GFRA1: variants seen among roughly 807,000 people sequenced by gnomAD.
GFRA1 encodes GDNF family receptor alpha-1.
GFRA1 carries 16 observed loss-of-function variants against 51.6 expected under a neutral mutation model. The ratio of observed to expected loss-of-function variants is 0.31; its 90% CI spans 0.21 to 0.47. The LOEUF (loss-of-function observed/expected upper bound fraction) is 0.47, where lower values mean the gene tolerates loss of function less well. Ranked by LOEUF, GFRA1 falls within the 20% of genes least tolerant of loss-of-function variation. The probability of loss-of-function intolerance (pLI) is 1.00; values close to 1 mark genes in which losing one functional copy is unlikely to be tolerated. For missense variants in GFRA1, 530 were observed against 594.3 expected, an observed-to-expected ratio of 0.89 and a Z score of 1.13; for synonymous variants, 270 against 241.3, an observed-to-expected ratio of 1.12 and a Z score of -1.10.
intron 9 of GFRA1, among the ~76,000 whole-genome samples, chr10:116,087,604 C>G (rs981931491): frequency 2.0e-5 from 3 of 152,156 alleles, no homozygotes; most frequent in Non-Finnish European, 2.9e-5. Flanking sequence ...TTTGCTGTAG[C>G]CAGAACTTGC....
intron 5 of GFRA1, among the ~76,000 whole-genome samples, chr10:116,130,229 G>A (rs544438961): frequency 4.3e-4 from 66 of 151,958 alleles, no homozygotes; most frequent in South Asian, 1.0e-3. Context: ...AATACTTTAT[G>A]ATTATTAAGG....
rs1334998682 is a variant in GFRA1, at chr10:116,089,679, C to T, written c.1197+62G>A. ...GCATACATTTCAGAAAATGGGTCTGCCCGTGTTTCACCCCCCCACCAGGAA... is the reference window on the plus strand; with the variant it reads ...GCATACATTTCAGAAAATGGGTCTGTCCGTGTTTCACCCCCCCACCAGGAA... On this transcript the variant is annotated intron_variant, in intron 9 of 10. Coordinates refer to ENST00000355422, the MANE Select transcript of GFRA1 (RefSeq NM_005264.8). 9 of 1,373,166 alleles carry T rather than the reference C, an allele frequency of 6.6e-6. No homozygotes were observed. The South Asian group carries it at 8.1e-5, about 12-fold the overall frequency. The allele number at this position is 1,373,166 out of a possible 1,614,324, so 85.1% of individuals were successfully genotyped here.
intron 5 of GFRA1, among the ~76,000 whole-genome samples, chr10:116,141,567 T>C (rs1330206342): frequency 1.3e-5 from 2 of 149,348 alleles, no homozygotes; most frequent in African/African-American, 4.9e-5. Flanking sequence ...TTTGGACCTA[T>C]GTCCTCTTCT....
At chr10:116,214,650 A>C (rs1409010681) in intron 4 of GFRA1, among the ~76,000 whole-genome samples, 1 of 152,218 alleles carries the variant, frequency 6.6e-6, no homozygotes, top group African/African-American at 2.4e-5. Flanking sequence ...ATACAGACAA[A>C]AATTTCCAAC....
chr10:116,193,167 T>A (rs1001657579), intron 5 of GFRA1, among the ~76,000 whole-genome samples: 2 of 152,158 alleles, frequency 1.3e-5, no homozygotes, highest in Non-Finnish European at 2.9e-5. Flanking sequence ...AGATTTTTTT[T>A]ATTATTGAGG....
intron 5 of GFRA1, among the ~76,000 whole-genome samples, chr10:116,167,803 G>A (rs968546598): frequency 2.0e-5 from 3 of 152,180 alleles, no homozygotes; most frequent in Non-Finnish European, 4.4e-5. Flanking sequence ...GAGGAATGCT[G>A]CTTTACATCC....
intron 6 of GFRA1, among the ~76,000 whole-genome samples, chr10:116,114,204 A>C (rs1565585220): frequency 6.6e-6 from 1 of 152,132 alleles, no homozygotes; most frequent in Non-Finnish European, 1.5e-5. Context: ...GTCACAGAAG[A>C]AGCACGTGGC....
chr10:116,210,001 G>C lies in GFRA1; in HGVS notation c.433+1630C>G, dbSNP rs1965067230. Among the ~76,000 whole-genome samples, 5 of 152,158 alleles carry C rather than the reference G, an allele frequency of 3.3e-5. No homozygotes were observed. The South Asian group carries it at 1.0e-3, about 32-fold the overall frequency. ...TGACACACAGAGCAACGGGTAGCTT[G>C]CGGCTTCCATCTCTGGCAGATGTTA... On this transcript the variant is annotated intron_variant, in intron 5 of 10. Coordinates refer to ENST00000355422, the MANE Select transcript of GFRA1 (RefSeq NM_005264.8).
At chr10:116,229,815 C>T (rs1966568436) in intron 4 of GFRA1, among the ~76,000 whole-genome samples, 1 of 152,184 alleles carries the variant, frequency 6.6e-6, no homozygotes, top group Admixed American at 6.5e-5. Context: ...GGCTGGGCCT[C>T]CTTCTCCTTC....
At chr10:116,144,365 C>G (rs1958702359) in intron 5 of GFRA1, among the ~76,000 whole-genome samples, 1 of 151,740 alleles carries the variant, frequency 6.6e-6, no homozygotes, top group South Asian at 2.1e-4. Context: ...CCCTATATTC[C>G]AAACTACACA....
At chr10:116,172,267 A>G (rs1961104093) in intron 5 of GFRA1, among the ~76,000 whole-genome samples, 1 of 152,128 alleles carries the variant, frequency 6.6e-6, no homozygotes, top group African/African-American at 2.4e-5. Flanking sequence ...ATTAGAGGTA[A>G]GACAAGGGAG....
chr10:116,172,187 G>A (rs7087059), intron 5 of GFRA1, among the ~76,000 whole-genome samples: 89,196 of 151,956 alleles, frequency 0.59, 26,138 homozygotes, highest in Middle Eastern at 0.63. Context: ...TTACTTATGA[G>A]TATTAATAAA....
chr10:116,125,605 GTTCTC>G, intron 5 of GFRA1, 48 bp from the exon 6 acceptor site: 5 of 1,403,430 alleles, frequency 3.6e-6, no homozygotes, highest in Non-Finnish European at 5.0e-6. Flanking sequence ...TCGGCTCTGT[GTTCTC>G]ACCTACTCTG....
chr10:116,141,885 C>CT (rs980501504), intron 5 of GFRA1, among the ~76,000 whole-genome samples: 4 of 151,498 alleles, frequency 2.6e-5, no homozygotes, highest in East Asian at 1.9e-4. Flanking sequence ...TACCCGACCT[C>CT]TTTTTTTTTA....
At chr10:116,213,560 A>T (rs987934466) in intron 4 of GFRA1, among the ~76,000 whole-genome samples, 1 of 152,164 alleles carries the variant, frequency 6.6e-6, no homozygotes, top group Non-Finnish European at 1.5e-5. Context: ...TTACAACCCA[A>T]ATTTTAAAAC....
chr10:116,108,046 G>T (rs60697047), intron 6 of GFRA1, among the ~76,000 whole-genome samples: 5,366 of 152,158 alleles, frequency 0.035, 253 homozygotes, highest in East Asian at 0.2. Context: ...GTTTCTGAGA[G>T]CCCTGGGAGG....
intron 5 of GFRA1, among the ~76,000 whole-genome samples, chr10:116,132,508 T>C (rs1391876865): frequency 6.6e-6 from 1 of 152,000 alleles, no homozygotes; most frequent in Non-Finnish European, 1.5e-5. Context: ...ATTATTACTC[T>C]TTTCAAAAAG....
chr10:116,170,902 A>C (rs1207898965), intron 5 of GFRA1, among the ~76,000 whole-genome samples: 1 of 152,200 alleles, frequency 6.6e-6, no homozygotes, highest in Non-Finnish European at 1.5e-5. Context: ...TCCTGGTAGA[A>C]TGCATTTGGA....
chr10:116,057,260 A>G lies in GFRA1; in HGVS notation c.*7138T>C, dbSNP rs1954586802. On this transcript the variant is annotated 3_prime_UTR_variant, in exon 11 of 11. Transcript: ENST00000355422. ...CAGTGGGAAGCTCAGTAAACACACA[A>G]TATAACATGGAGACCCGCCCGAAGC... 6.6e-6 allele frequency: 1 copy of G among 152,188 alleles called. No individual in the cohort carries two copies. The highest frequency in any genetic ancestry group is 1.5e-5 in the Non-Finnish European group (1 of 68,054). The allele number at this position is 152,188 out of a possible 1,614,324, so 9.4% of individuals were successfully genotyped here.
Sources: gnomAD v4.1 joint callset for allele counts (sites outside exome capture counted in the v4.1 genomes callset) on GRCh38, gnomAD v4.1.1 for gene constraint, MANE v1.5 for transcripts, NCBI Gene and HGNC (gene_info 2026-07-23, HGNC 2026-07-21) for gene names.